The following PCDH7 variants were observed in gnomAD, a reference collection of about 807,000 sequenced individuals.
The protein encoded by PCDH7 is protocadherin-7.
A neutral mutation model predicts 58.9 loss-of-function variants in PCDH7; 17 were observed. That is an observed-to-expected ratio of 0.29 (90% CI 0.20 to 0.43). The LOEUF is 0.43. Ranked by LOEUF, PCDH7 falls within the 20% of genes least tolerant of loss-of-function variation. The pLI is 1.00. For missense variants in PCDH7, 1,274 were observed against 1,441.0 expected (o/e 0.88, Z 1.88); for synonymous variants, 664 against 616.4 (o/e 1.08, Z -1.14).
intron 3 of PCDH7, among the ~76,000 whole-genome samples, chr4:31,090,972 C>T (rs1193258561): frequency 6.6e-6 from 1 of 151,962 alleles, no homozygotes; most frequent in Non-Finnish European, 1.5e-5. Context: ...TTATGAAAAA[C>T]ACTTGATGAA....
intron 1 of PCDH7, 75 bp downstream of exon 1, chr4:30,724,671 G>A (rs1353154392): frequency 1.0e-5 from 15 of 1,503,548 alleles, no homozygotes; most frequent in Non-Finnish European, 1.3e-5. Context: ...CTTCTGTAAA[G>A]TTTTGTCTTC....
chr4:31,123,228 T>C (rs1018592649), intron 3 of PCDH7, among the ~76,000 whole-genome samples: 7 of 152,256 alleles, frequency 4.6e-5, no homozygotes, highest in Non-Finnish European at 1.0e-4. Flanking sequence ...ATTTAAGGTT[T>C]TGACACCTTT....
intron 3 of PCDH7, among the ~76,000 whole-genome samples, chr4:31,090,914 G>A (rs917743825): frequency 2.0e-5 from 3 of 151,914 alleles, no homozygotes; most frequent in East Asian, 1.9e-4. Flanking sequence ...AGCTCATGAT[G>A]TATCTACATT....
chr4:30,798,719 TAGG>T (rs1319878325), intron 1 of PCDH7, among the ~76,000 whole-genome samples: 2 of 152,198 alleles, frequency 1.3e-5, no homozygotes, highest in Non-Finnish European at 2.9e-5. Flanking sequence ...AAGTCATGCC[TAGG>T]AGGCTATCTT....
intron 1 of PCDH7, among the ~76,000 whole-genome samples, chr4:30,800,019 AT>A (rs57456489): frequency 0.03 from 4,282 of 142,890 alleles, 91 homozygotes; most frequent in African/African-American, 0.064. Flanking sequence ...ACACCCGGCT[AT>A]TTTTTTTTTT....
At chr4:30,774,696 AC>A (rs1721839466) in intron 1 of PCDH7, among the ~76,000 whole-genome samples, 1 of 152,220 alleles carries the variant, frequency 6.6e-6, no homozygotes, top group South Asian at 2.1e-4. Flanking sequence ...GGACTGTTCT[AC>A]GTACAATATA....
chr4:30,831,905 C>T (rs1729841701), intron 1 of PCDH7, among the ~76,000 whole-genome samples: 1 of 152,078 alleles, frequency 6.6e-6, no homozygotes, highest in Non-Finnish European at 1.5e-5. Flanking sequence ...ATTAAAGTAG[C>T]ATGAATGATT....
At chr4:30,822,344 C>T (rs920932794) in intron 1 of PCDH7, among the ~76,000 whole-genome samples, 1 of 152,124 alleles carries the variant, frequency 6.6e-6, no homozygotes, top group Non-Finnish European at 1.5e-5. Flanking sequence ...GGCCAGCGAC[C>T]GCTTGGTTTG....
chr4:30,873,325 A>T (rs1247560652), intron 1 of PCDH7, among the ~76,000 whole-genome samples: 2 of 152,244 alleles, frequency 1.3e-5, no homozygotes, highest in Non-Finnish European at 2.9e-5. Context: ...ATATTTATGT[A>T]TTATATCTGG....
Position 30,724,603 on chromosome 4 carries a change from T to C in PCDH7, c.3174+7T>C, listed in dbSNP as rs775571510. ...TAACAAGTACAGCAAACAGGTAAGA[T>C]GTATCCCAAATATATTTAAATATCC... On this transcript the variant is annotated splice_region_variant and intron_variant, in intron 1 of 1. Transcript: ENST00000361762. 6.2e-7 allele frequency: 1 copy of C among 1,613,242 alleles called. No homozygotes were observed. Among genetic ancestry groups the C allele is most frequent in the African/African-American group, 1.3e-5 (1 of 74,906 alleles).
chr4:30,861,610 A>C (rs1442327694), intron 1 of PCDH7, among the ~76,000 whole-genome samples: 1 of 152,184 alleles, frequency 6.6e-6, no homozygotes, highest in Non-Finnish European at 1.5e-5. Flanking sequence ...CAGTATAGTT[A>C]AAGTAATGGG....
intron 2 of PCDH7, among the ~76,000 whole-genome samples, chr4:30,944,940 T>A (rs1746489194): frequency 6.6e-6 from 1 of 152,078 alleles, no homozygotes. Context: ...ATTTAGAAAT[T>A]TGAAATCAAT....
At chr4:31,013,581 T>C (rs1233788825) in intron 3 of PCDH7, among the ~76,000 whole-genome samples, 1 of 130,536 alleles carries the variant, frequency 7.7e-6, no homozygotes, top group Non-Finnish European at 1.6e-5. Context: ...TATGTCCATA[T>C]ATATATTTTA....
rs78832198 is a variant in PCDH7 at position 31,130,325 on chromosome 4, G to A, written c.*8-12148G>A. Among the ~76,000 whole-genome samples the A allele has an allele frequency of 6.6e-5, 10 of 152,256 alleles. No individual in the cohort carries two copies. In the East Asian group the frequency reaches 1.9e-3, roughly 29 times the overall value. ...CATATACAAATAATACGGACAGTTGGATACTAGAGTGAAGTAGAATTTTCA... is the reference window on the plus strand; with the variant it reads ...CATATACAAATAATACGGACAGTTGAATACTAGAGTGAAGTAGAATTTTCA... On this transcript the variant is annotated intron_variant, in intron 3 of 3. Transcript: ENST00000509759.
chr4:31,097,638 A>C (rs58379331), intron 3 of PCDH7, among the ~76,000 whole-genome samples: 35,022 of 79,042 alleles, frequency 0.44, 10,397 homozygotes, highest in East Asian at 0.77. Context: ...ATATATATAT[A>C]AATCTTTTTT....
At chr4:30,887,451 T>C (rs1288978369) in intron 1 of PCDH7, among the ~76,000 whole-genome samples, 2 of 152,128 alleles carry the variant, frequency 1.3e-5, no homozygotes, top group African/African-American at 4.8e-5. Flanking sequence ...CAATAAATGG[T>C]TATTGAACTG....
At chr4:30,991,622 C>G (rs2109124553) in intron 3 of PCDH7, among the ~76,000 whole-genome samples, 1 of 152,168 alleles carries the variant, frequency 6.6e-6, no homozygotes, top group African/African-American at 2.4e-5. Context: ...CTTTAAAAGG[C>G]AAAGGTTAAA....
intron 3 of PCDH7, among the ~76,000 whole-genome samples, chr4:31,118,050 C>T (rs1717215924): frequency 6.6e-6 from 1 of 152,298 alleles, no homozygotes; most frequent in Non-Finnish European, 1.5e-5. Flanking sequence ...ATTCTCCCAC[C>T]TTGAAGATAG....
chr4:30,901,079 C>T (rs918176539), intron 1 of PCDH7, among the ~76,000 whole-genome samples: 1 of 152,092 alleles, frequency 6.6e-6, no homozygotes, highest in Non-Finnish European at 1.5e-5. Context: ...ATTCCAATTA[C>T]AAATTACTTT....
Sources: gnomAD v4.1 joint callset for allele counts (sites outside exome capture counted in the v4.1 genomes callset) on GRCh38, gnomAD v4.1.1 for gene constraint, MANE v1.5 for transcripts, NCBI Gene and HGNC (gene_info 2026-07-23, HGNC 2026-07-21) for gene names.